Variants in CDK5RAP1 observed in about 807,000 individuals in gnomAD.
The protein encoded by CDK5RAP1 is mitochondrial tRNA methylthiotransferase CDK5RAP1.
In CDK5RAP1, 62 loss-of-function variants were observed where a neutral mutation model predicts 64.5. That is an observed-to-expected ratio of 0.96 (90% CI 0.78 to 1.19). CDK5RAP1 has a LOEUF of 1.19. CDK5RAP1 is among the 50% of genes most tolerant of loss of function. The probability of loss-of-function intolerance (pLI) is 0.00; values close to 1 mark genes in which losing one functional copy is unlikely to be tolerated. For missense variants in CDK5RAP1, 657 were observed against 735.0 expected (o/e 0.89, Z 1.23); for synonymous variants, 250 against 261.9 (o/e 0.95, Z 0.44).
chr20:33,371,212 G>A (rs1984960374), intron 10 of CDK5RAP1, among the ~76,000 whole-genome samples: 1 of 152,158 alleles, frequency 6.6e-6, no homozygotes, highest in Non-Finnish European at 1.5e-5. Flanking sequence ...AGGATCACCT[G>A]AGCCCAGGGA....
intron 12 of CDK5RAP1, among the ~76,000 whole-genome samples, chr20:33,366,127 T>C (rs545422058): frequency 1.3e-5 from 2 of 152,216 alleles, no homozygotes; most frequent in South Asian, 2.1e-4. Flanking sequence ...GAGACCAGCC[T>C]GGACAACATG....
intron 7 of CDK5RAP1, among the ~76,000 whole-genome samples, chr20:33,382,856 C>G (rs889092343): frequency 6.8e-6 from 1 of 146,234 alleles, no homozygotes. Context: ...CAGAACAAGA[C>G]TCTGTCTCAA....
intron 8 of CDK5RAP1, 61 bp downstream of exon 8, chr20:33,379,400 C>G: frequency 8.1e-7 from 1 of 1,239,126 alleles, no homozygotes; most frequent in Non-Finnish European, 1.2e-6. Flanking sequence ...CCTACTGGGT[C>G]CAGCCTTTGG....
intron 5 of CDK5RAP1, among the ~76,000 whole-genome samples, chr20:33,390,253 G>A (rs968960821): frequency 5.6e-5 from 8 of 143,912 alleles, no homozygotes; most frequent in African/African-American, 1.8e-4. Flanking sequence ...CAGCCTGGGC[G>A]ACAAACTGAG....
intron 1 of CDK5RAP1, among the ~76,000 whole-genome samples, chr20:33,400,081 C>T (rs902490274): frequency 6.6e-6 from 1 of 152,138 alleles, no homozygotes; most frequent in Non-Finnish European, 1.5e-5. Context: ...AAACTAGATG[C>T]CTTGCATATA....
At chr20:33,367,320 T>TC (rs1232468658) in intron 11 of CDK5RAP1, among the ~76,000 whole-genome samples, 2 of 152,240 alleles carry the variant, frequency 1.3e-5, no homozygotes, top group African/African-American at 4.8e-5. Flanking sequence ...ACTAGGTTAC[T>TC]CAGCAGTACT....
chr20:33,397,914 C>T (rs1252764334), intron 1 of CDK5RAP1, among the ~76,000 whole-genome samples: 1 of 152,094 alleles, frequency 6.6e-6, no homozygotes, highest in Non-Finnish European at 1.5e-5. Flanking sequence ...ATCACTGGAA[C>T]CCAGGAAGCA....
intron 6 of CDK5RAP1, among the ~76,000 whole-genome samples, chr20:33,385,992 C>T (rs1987381519): frequency 6.6e-6 from 1 of 152,222 alleles, no homozygotes; most frequent in African/African-American, 2.4e-5. Context: ...ACCAGTGGGA[C>T]AATGACTAGC....
At chr20:33,380,611 GA>G (rs991905162) in intron 7 of CDK5RAP1, among the ~76,000 whole-genome samples, 2 of 152,126 alleles carry the variant, frequency 1.3e-5, no homozygotes, top group Non-Finnish European at 2.9e-5. Flanking sequence ...AAATGGTTCA[GA>G]AAAAATACAT....
chr20:33,369,961 C>T (rs1175164211), intron 11 of CDK5RAP1, among the ~76,000 whole-genome samples: 1 of 152,136 alleles, frequency 6.6e-6, no homozygotes, highest in Non-Finnish European at 1.5e-5. Context: ...AAGAAAATGA[C>T]AGCCAACCAG....
rs1982690205 is a variant in CDK5RAP1 at position 33,360,405 on chromosome 20, G to A, written c.1629C>T (p.Val543=). The A allele has an allele frequency of 1.9e-6, 3 of 1,613,874 alleles. No homozygotes were observed. The highest frequency in any genetic ancestry group is 1.3e-5 in the African/African-American group (1 of 74,882). Residue 543 remains valine (V), a synonymous_variant, in exon 13 of 14, where the codon GTC becomes GTT. Coordinates refer to ENST00000346416, the MANE Select transcript of CDK5RAP1 (RefSeq NM_016408.4). ...CTCTGACCCTGAGCCCAGGGTTATT[G>A]ACATCCTCCATCTCTGCATCAGGGA... ...VIFPDAEMED[V]NNPGLRVRAQ...
At chr20:33,376,914 T>C (rs977120082) in intron 8 of CDK5RAP1, among the ~76,000 whole-genome samples, 1 of 152,214 alleles carries the variant, frequency 6.6e-6, no homozygotes, top group South Asian at 2.1e-4. Context: ...TGGATGATTT[T>C]GAGGGGCTCA....
chr20:33,397,198 G>A, intron 1 of CDK5RAP1, 114 bp from the exon 2 acceptor site: 1 of 711,828 alleles, frequency 1.4e-6, no homozygotes. Flanking sequence ...CCATGAAGAA[G>A]GTACTCCTAA....
At chr20:33,367,669 T>C (rs916933601) in intron 11 of CDK5RAP1, among the ~76,000 whole-genome samples, 2 of 152,234 alleles carry the variant, frequency 1.3e-5, no homozygotes, top group African/African-American at 2.4e-5. Flanking sequence ...GAACCACTCA[T>C]GTACAGCACT....
intron 7 of CDK5RAP1, 50 bp from the exon 8 acceptor site, chr20:33,379,741 T>C: frequency 7.5e-7 from 1 of 1,328,906 alleles, no homozygotes; most frequent in Middle Eastern, 1.9e-4. Context: ...GGTAGCTTCA[T>C]AAAAAAACAC....
chr20:33,370,352 T>G, intron 11 of CDK5RAP1, 147 bp downstream of exon 11: 1 of 721,794 alleles, frequency 1.4e-6, no homozygotes. Flanking sequence ...CAGAGTGTAC[T>G]AGAAAAATGA....
At chr20:33,393,678 C>G (rs1321226507) in intron 4 of CDK5RAP1, among the ~76,000 whole-genome samples, 2 of 152,150 alleles carry the variant, frequency 1.3e-5, no homozygotes, top group African/African-American at 4.8e-5. Context: ...TACATCCTAC[C>G]CCGGGCAGCT....
chr20:33,372,190 T>C (rs1985142726), intron 10 of CDK5RAP1, among the ~76,000 whole-genome samples: 1 of 149,520 alleles, frequency 6.7e-6, no homozygotes, highest in South Asian at 2.1e-4. Flanking sequence ...AATGTATCTG[T>C]AAAATCGGCC....
chr20:33,366,708 TG>T, intron 12 of CDK5RAP1, 150 bp downstream of exon 12: 1 of 639,494 alleles, frequency 1.6e-6, no homozygotes, highest in East Asian at 2.8e-5. Flanking sequence ...AACATCAGCC[TG>T]TAGTCCCACC....
Sources: gnomAD v4.1 joint callset for allele counts (sites outside exome capture counted in the v4.1 genomes callset) on GRCh38, gnomAD v4.1.1 for gene constraint, MANE v1.5 for transcripts, NCBI Gene and HGNC (gene_info 2026-07-23, HGNC 2026-07-21) for gene names.